Variants in CLVS2 observed in about 807,000 individuals in gnomAD.
CLVS2 encodes the protein clavesin-2.
CLVS2 carries 19 observed loss-of-function variants against 29.0 expected under a neutral mutation model. The ratio of observed to expected loss-of-function variants is 0.66; its 90% CI spans 0.46 to 0.96. CLVS2 has a LOEUF of 0.96. Ranked by LOEUF, CLVS2 falls within the 40% of genes least tolerant of loss-of-function variation. The pLI is 0.00. For synonymous variants in CLVS2, 161 were observed against 151.3 expected (o/e 1.06, Z -0.47); for missense variants, 294 against 404.1 (o/e 0.73, Z 2.34).
chr6:123,022,052 T>G (rs537080647), intron 3 of CLVS2, among the ~76,000 whole-genome samples: 116 of 152,166 alleles, frequency 7.6e-4, no homozygotes, highest in African/African-American at 2.6e-3. Flanking sequence ...CTTATCACCG[T>G]GTCATTCTTT....
At chr6:123,041,652 A>AT (rs1379946803) in intron 3 of CLVS2, among the ~76,000 whole-genome samples, 6 of 152,114 alleles carry the variant, frequency 3.9e-5, no homozygotes, top group African/African-American at 9.7e-5. Flanking sequence ...TGGGGAAATG[A>AT]TTTTTTTTAA....
Position 123,065,088 on chromosome 6 carries a change from T to C in CLVS2, c.*1327T>C, listed in dbSNP as rs539128591. On this transcript the variant is annotated 3_prime_UTR_variant, in exon 6 of 6. Transcript: ENST00000275162. Reference sequence around the variant, plus strand: ...AAAAACACATTATATTCAGGAGATATAATGAAATTATTGGAAGGCATCTAT... The same window carrying C: ...AAAAACACATTATATTCAGGAGATACAATGAAATTATTGGAAGGCATCTAT... 26 of 151,988 alleles carry C rather than the reference T, an allele frequency of 1.7e-4. No individual in the cohort carries two copies. The highest frequency in any genetic ancestry group is 6.0e-4 in the African/African-American group (25 of 41,528). 9.4% of individuals were successfully genotyped at this position (151,988 alleles called of 1,614,324 possible).
chr6:123,032,688 C>T (rs1173679009), intron 3 of CLVS2, among the ~76,000 whole-genome samples: 1 of 152,048 alleles, frequency 6.6e-6, no homozygotes, highest in East Asian at 1.9e-4. Context: ...TGATACTCAG[C>T]TCTGGTTTAA....
At chr6:123,037,827 G>A (rs376543150) in intron 3 of CLVS2, among the ~76,000 whole-genome samples, 76 of 152,182 alleles carry the variant, frequency 5.0e-4, no homozygotes, top group African/African-American at 1.8e-3. Flanking sequence ...TAAATTGGTT[G>A]CACTAAAATA....
chr6:123,049,897 T>C (rs1053776822), intron 4 of CLVS2, among the ~76,000 whole-genome samples: 38 of 152,068 alleles, frequency 2.5e-4, no homozygotes, highest in African/African-American at 8.5e-4. Flanking sequence ...TGTATACATA[T>C]GTAACAAACC....
intron 2 of CLVS2, among the ~76,000 whole-genome samples, chr6:123,003,834 C>T (rs1011542879): frequency 6.6e-6 from 1 of 152,150 alleles, no homozygotes; most frequent in Non-Finnish European, 1.5e-5. Context: ...GCTTGGTTAA[C>T]TGAATTCAAC....
intron 2 of CLVS2, among the ~76,000 whole-genome samples, chr6:122,999,177 A>G (rs921934301): frequency 3.3e-5 from 5 of 152,192 alleles, no homozygotes; most frequent in East Asian, 1.9e-4. Context: ...AGTTCTGTGA[A>G]TGGTGACTTT....
At chr6:123,010,849 A>T in intron 2 of CLVS2, 136 bp from the exon 3 acceptor site, 1 of 502,312 alleles carries the variant, frequency 2.0e-6, no homozygotes, top group Non-Finnish European at 3.4e-6. Flanking sequence ...TTCCTAAAAT[A>T]GGTTTTTAAA....
intron 2 of CLVS2, among the ~76,000 whole-genome samples, chr6:123,006,580 T>G (rs1774672294): frequency 6.6e-6 from 1 of 152,034 alleles, no homozygotes; most frequent in East Asian, 1.9e-4. Flanking sequence ...ACAAAAAAAT[T>G]TAGGACTTGG....
At chr6:123,048,814 A>C in intron 4 of CLVS2, 82 bp downstream of exon 4, 1 of 860,028 alleles carries the variant, frequency 1.2e-6, no homozygotes, top group East Asian at 2.4e-5. Context: ...AATGTTAGCT[A>C]TAGTAAAATG....
At chr6:123,043,493 A>G (rs1582659605) in intron 3 of CLVS2, among the ~76,000 whole-genome samples, 1 of 152,234 alleles carries the variant, frequency 6.6e-6, no homozygotes, top group East Asian at 1.9e-4. Context: ...TAGTAGTTGA[A>G]GCTAAATGTT....
In CLVS2 at chr6:123,071,324, G is replaced by A. The variant is rs1345848594; in HGVS notation, c.*7563G>A. ...CAAAGGGGAAATTTTACCCTCTCATGATAATAGAATCATGAATCAAAAATG... is the reference window on the plus strand; with the variant it reads ...CAAAGGGGAAATTTTACCCTCTCATAATAATAGAATCATGAATCAAAAATG... On this transcript the variant is annotated 3_prime_UTR_variant, in exon 6 of 6. Transcript: ENST00000275162. The A allele has an allele frequency of 6.6e-6, 1 of 151,960 alleles. No homozygotes were observed. Among genetic ancestry groups the A allele is most frequent in the Non-Finnish European group, 1.5e-5 (1 of 67,934 alleles). 9.4% of individuals were successfully genotyped at this position (151,960 alleles called of 1,614,324 possible).
chr6:123,036,865 C>T (rs573328016), intron 3 of CLVS2, among the ~76,000 whole-genome samples: 1 of 152,120 alleles, frequency 6.6e-6, no homozygotes, highest in Non-Finnish European at 1.5e-5. Flanking sequence ...GAGCTAAAAG[C>T]GTTCTGGCAA....
chr6:123,011,268 A>T (rs894169240), intron 3 of CLVS2, 109 bp downstream of exon 3: 3 of 779,786 alleles, frequency 3.8e-6, no homozygotes, highest in African/African-American at 3.6e-5. Flanking sequence ...AAACAAAAAA[A>T]ATCTGTAGTT....
intron 2 of CLVS2, among the ~76,000 whole-genome samples, chr6:123,003,495 C>T (rs1218442659): frequency 2.0e-5 from 3 of 152,012 alleles, no homozygotes; most frequent in Non-Finnish European, 4.4e-5. Context: ...ATTATCGTAA[C>T]ATGAAGGAAA....
intron 4 of CLVS2, among the ~76,000 whole-genome samples, chr6:123,052,779 T>C (rs963633424): frequency 6.0e-5 from 8 of 134,162 alleles, no homozygotes; most frequent in African/African-American, 2.4e-4. Flanking sequence ...AGGAGCATAT[T>C]TGAGGTGGGG....
intron 2 of CLVS2, among the ~76,000 whole-genome samples, chr6:123,003,611 A>T (rs1484872423): frequency 6.6e-6 from 1 of 152,214 alleles, no homozygotes; most frequent in Non-Finnish European, 1.5e-5. Context: ...TTTGTTATGT[A>T]CATAGCATTT....
intron 2 of CLVS2, among the ~76,000 whole-genome samples, chr6:122,999,487 GTTAC>G (rs902223609): frequency 6.6e-5 from 10 of 152,118 alleles, no homozygotes; most frequent in African/African-American, 2.2e-4. Flanking sequence ...ATGGAGTTTT[GTTAC>G]TTACTTTGGC....
intron 4 of CLVS2, among the ~76,000 whole-genome samples, chr6:123,049,207 A>G (rs1431702006): frequency 6.6e-6 from 1 of 152,194 alleles, no homozygotes. Flanking sequence ...AAAGAATGCT[A>G]ATGTGTGGAA....
Sources: gnomAD v4.1 joint callset for allele counts (sites outside exome capture counted in the v4.1 genomes callset) on GRCh38, gnomAD v4.1.1 for gene constraint, MANE v1.5 for transcripts, NCBI Gene and HGNC (gene_info 2026-07-23, HGNC 2026-07-21) for gene names.